The following SLC4A10 variants were observed in gnomAD, a reference collection of about 807,000 sequenced individuals.
The protein encoded by SLC4A10 is solute carrier family 4 member 10.
Under a neutral mutation model 137.7 loss-of-function variants are expected in SLC4A10, and 42 were observed. That is an observed-to-expected ratio of 0.30 (90% CI 0.24 to 0.39). SLC4A10 has a LOEUF of 0.39. SLC4A10 is among the 10% of genes least tolerant of loss of function. The pLI is 1.00. For missense variants in SLC4A10, 925 were observed against 1,355.0 expected, an observed-to-expected ratio of 0.68 and a Z score of 4.98; for synonymous variants, 474 against 464.1, an observed-to-expected ratio of 1.02 and a Z score of -0.27.
intron 4 of SLC4A10, among the ~76,000 whole-genome samples, chr2:161,854,642 T>C: frequency 6.6e-6 from 1 of 152,222 alleles, no homozygotes; most frequent in Non-Finnish European, 1.5e-5. Flanking sequence ...TTCCATGAAG[T>C]ATACACTCTT....
At chr2:161,702,922 T>C (rs1214184810) in intron 1 of SLC4A10, among the ~76,000 whole-genome samples, 1 of 151,814 alleles carries the variant, frequency 6.6e-6, no homozygotes, top group African/African-American at 2.4e-5. Flanking sequence ...CTATTTGGTT[T>C]AATTATAGTT....
At chr2:161,827,325 C>T (rs568165595) in intron 3 of SLC4A10, among the ~76,000 whole-genome samples, 1 of 152,298 alleles carries the variant, frequency 6.6e-6, no homozygotes, top group African/African-American at 2.4e-5. Flanking sequence ...CTCCAACTGC[C>T]TTATGACCTT....
At chr2:161,690,046 A>G (rs960468337) in intron 1 of SLC4A10, among the ~76,000 whole-genome samples, 1 of 152,198 alleles carries the variant, frequency 6.6e-6, no homozygotes, top group African/African-American at 2.4e-5. Context: ...TTTGCAATCT[A>G]TTCATCTGAC....
At chr2:161,880,179 C>A (rs1182904544) in intron 9 of SLC4A10, among the ~76,000 whole-genome samples, 3 of 152,064 alleles carry the variant, frequency 2.0e-5, no homozygotes, top group Non-Finnish European at 4.4e-5. Flanking sequence ...GGCCCCGTTC[C>A]CATATGGCTG....
At chr2:161,894,967 G>T (rs944458505) in intron 11 of SLC4A10, 142 bp downstream of exon 11, 11 of 370,816 alleles carry the variant, frequency 3.0e-5, no homozygotes, top group Non-Finnish European at 3.8e-5. Flanking sequence ...CAATGTGCCG[G>T]CTAGTTACAT....
At chr2:161,794,777 A>G (rs1436606475) in intron 2 of SLC4A10, among the ~76,000 whole-genome samples, 2 of 152,024 alleles carry the variant, frequency 1.3e-5, no homozygotes, top group African/African-American at 4.8e-5. Context: ...ATTTTCCAAT[A>G]TCTGTGGTTA....
chr2:161,830,755 T>C (rs181778172), intron 3 of SLC4A10, among the ~76,000 whole-genome samples: 1 of 152,152 alleles, frequency 6.6e-6, no homozygotes, highest in Non-Finnish European at 1.5e-5. Context: ...GATATAGCAG[T>C]GAATAAAACA....
intron 1 of SLC4A10, among the ~76,000 whole-genome samples, chr2:161,712,394 A>T (rs975405697): frequency 1.3e-5 from 2 of 151,386 alleles, no homozygotes; most frequent in African/African-American, 4.9e-5. Flanking sequence ...AAGGGGTAAA[A>T]AAAAGCCTTT....
intron 26 of SLC4A10, among the ~76,000 whole-genome samples, chr2:161,978,264 G>A (rs1432155549): frequency 6.6e-6 from 1 of 151,210 alleles, no homozygotes; most frequent in Non-Finnish European, 1.5e-5. Context: ...GCGGATGCCT[G>A]TAATCCCAGC....
At chr2:161,688,105 G>A (rs56841405) in intron 1 of SLC4A10, among the ~76,000 whole-genome samples, 68 of 152,198 alleles carry the variant, frequency 4.5e-4, no homozygotes, top group African/African-American at 1.3e-3. Context: ...AGAATAAAAG[G>A]AAATGGGCTT....
chr2:161,639,094 C>T (rs1180637493), intron 1 of SLC4A10, among the ~76,000 whole-genome samples: 6 of 151,962 alleles, frequency 3.9e-5, no homozygotes, highest in East Asian at 1.9e-4. Context: ...AAGTAGACAA[C>T]CAGAACAGAC....
intron 8 of SLC4A10, among the ~76,000 whole-genome samples, chr2:161,874,826 G>A (rs922181529): frequency 6.6e-6 from 1 of 152,168 alleles, no homozygotes; most frequent in African/African-American, 2.4e-5. Context: ...CTTCTCATTT[G>A]CAAAGTAAGA....
Position 161,938,973 on chromosome 2 carries a change from C to T in SLC4A10, c.1998-3819C>T, listed in dbSNP as rs1575744179. Among the ~76,000 whole-genome samples the T allele has an allele frequency of 2.0e-5, 3 of 152,102 alleles. No homozygotes were observed. In the South Asian group the frequency reaches 6.2e-4, roughly 32 times the overall value. On this transcript the variant is annotated intron_variant, in intron 15 of 26. Transcript: ENST00000446997. ...TTTTTAAAATTATTTTTAGTGATCC[C>T]TCTAAATTTCTAAATAATATGCTTA...
intron 9 of SLC4A10, among the ~76,000 whole-genome samples, chr2:161,882,037 C>A (rs1239216452): frequency 6.6e-6 from 1 of 151,546 alleles, no homozygotes; most frequent in African/African-American, 2.4e-5. Flanking sequence ...TTACTTTTCC[C>A]ACTTTCCTTC....
chr2:161,777,130 AG>A, intron 2 of SLC4A10, among the ~76,000 whole-genome samples: 1 of 151,654 alleles, frequency 6.6e-6, no homozygotes, highest in Admixed American at 6.6e-5. Context: ...AATTTAAAAA[AG>A]TTAAAATTAA....
At chr2:161,802,369 A>C (rs938944686) in intron 2 of SLC4A10, among the ~76,000 whole-genome samples, 1 of 152,090 alleles carries the variant, frequency 6.6e-6, no homozygotes, top group Admixed American at 6.6e-5. Flanking sequence ...CCCGTGTATA[A>C]AAAATAAATA....
At chr2:161,972,271 C>A (rs1441555577) in intron 23 of SLC4A10, among the ~76,000 whole-genome samples, 1 of 152,074 alleles carries the variant, frequency 6.6e-6, no homozygotes, top group Non-Finnish European at 1.5e-5. Context: ...CCTCCATGTA[C>A]CTTAAGATAA....
intron 15 of SLC4A10, among the ~76,000 whole-genome samples, chr2:161,933,703 A>G (rs1327941882): frequency 6.6e-6 from 1 of 152,190 alleles, no homozygotes; most frequent in African/African-American, 2.4e-5. Flanking sequence ...CCTCAATGCC[A>G]TGTTTGACTT....
intron 2 of SLC4A10, among the ~76,000 whole-genome samples, chr2:161,786,011 T>G (rs190266557): frequency 1.4e-3 from 220 of 152,030 alleles, no homozygotes; most frequent in African/African-American, 5.1e-3. Flanking sequence ...AGTGCCATCA[T>G]TGGGATGTTG....
Sources: gnomAD v4.1 joint callset for allele counts (sites outside exome capture counted in the v4.1 genomes callset) on GRCh38, gnomAD v4.1.1 for gene constraint, MANE v1.5 for transcripts, NCBI Gene and HGNC (gene_info 2026-07-23, HGNC 2026-07-21) for gene names.